VWF: variants seen among roughly 807,000 people sequenced by gnomAD.
VWF encodes von Willebrand factor, also known as Factor VIII related antigen.
Under a neutral mutation model 308.6 loss-of-function variants are expected in VWF, and 176 were observed. The ratio of observed to expected loss-of-function variants is 0.57; its 90% CI spans 0.50 to 0.65. VWF has a LOEUF of 0.65. Ranked by LOEUF, VWF falls within the 30% of genes least tolerant of loss-of-function variation. The pLI, the probability that VWF is intolerant of heterozygous loss-of-function variation, is 0.00. For synonymous variants in VWF, 1,385 were observed against 1,443.4 expected (o/e 0.96, Z 0.92); for missense variants, 3,146 against 3,648.2 (o/e 0.86, Z 3.55).
chr12:6,005,396 A>G (rs1216502489), intron 34 of VWF, among the ~76,000 whole-genome samples: 2 of 152,184 alleles, frequency 1.3e-5, no homozygotes, highest in East Asian at 3.8e-4. Context: ...ACTGCAACCT[A>G]TATCACAGAT....
intron 6 of VWF, among the ~76,000 whole-genome samples, chr12:6,079,545 G>A (rs79044220): frequency 2.0e-5 from 3 of 151,786 alleles, no homozygotes; most frequent in Non-Finnish European, 2.9e-5. Context: ...GGGAGGCAAC[G>A]CTTGCAGTGA....
In VWF at chr12:6,062,924, A is replaced by C. The variant is rs199830675; in HGVS notation, c.1533+30T>G. 1.4e-5 allele frequency: 22 copies of C among 1,587,184 alleles called. No individual in the cohort carries two copies. The East Asian group carries it at 4.5e-4, about 32-fold the overall frequency. ...GGGTACTTTGTAAGGGTCGGGCCGC[A>C]GGGAGCCAGTACCCCGTGAGGGCAC... On this transcript the variant is annotated intron_variant, in intron 13 of 51. Coordinates refer to ENST00000261405, the MANE Select transcript of VWF (RefSeq NM_000552.5).
chr12:6,064,197 G>C (rs747730128), intron 12 of VWF, 49 bp downstream of exon 12: 1 of 1,613,798 alleles, frequency 6.2e-7, no homozygotes, highest in South Asian at 1.1e-5. Flanking sequence ...AGGGTGCTAA[G>C]GGATGGGCTG....
In VWF at chr12:6,060,119, T is replaced by C. The variant is rs994378706; in HGVS notation, c.1534-2075A>G. The stretch of plus-strand genomic sequence containing the variant: ...GGGTTAGGAGAGTGGGGGCGACACT[T>C]AGAGACTCTCTTAGTGTCACTTAGC... On this transcript the variant is annotated intron_variant, in intron 13 of 51. Transcript: ENST00000261405. The surrounding 1 kb of genome is among the most constrained non-coding windows in gnomAD (Gnocchi z 5.1). Among the ~76,000 whole-genome samples, 3 of 151,972 alleles carry C rather than the reference T, an allele frequency of 2.0e-5. No homozygotes were observed. Among genetic ancestry groups the C allele is most frequent in the Admixed American group, 6.5e-5 (1 of 15,280 alleles).
chr12:6,108,367 A>ACACACACAC (rs1555076037), intron 5 of VWF, among the ~76,000 whole-genome samples: 16 of 150,358 alleles, frequency 1.1e-4, no homozygotes, highest in South Asian at 4.2e-4. Flanking sequence ...ACACACACAC[A>ACACACACAC]AAGCAAAATT....
rs1376757047 is a variant in VWF, at chr12:6,058,043, A to C, written c.1535T>G (p.Leu512Arg). 2 of 1,612,982 alleles carry C rather than the reference A, an allele frequency of 1.2e-6. No homozygotes were observed. The highest frequency in any genetic ancestry group is 2.7e-5 in the African/African-American group (2 of 74,952). Residue 512 changes from leucine (L) to arginine (R), a missense_variant and splice_region_variant, in exon 14 of 52, where the codon CTG becomes CGG. By Grantham distance (102) the Leu-to-Arg change is moderately radical. Around this residue, in one of 3 missense-constraint regions of VWF, gnomAD observed 1,304 missense variants for 1,353.0 expected, o/e 0.96. Coordinates refer to ENST00000261405, the MANE Select transcript of VWF (RefSeq NM_000552.5). This position sits in a 1 kb window ranked among gnomAD's most constrained non-coding sequence, Gnocchi z 4.9. ...GGTCTTCCCGGCATAGACGGGGGAC[A>C]GCTGCAGGAGAGACCAGGCCACTCT... ...WDGRGRLLVK[L>R]SPVYAGKTCG...
chr12:6,087,737 C>A (rs941691198), intron 6 of VWF, among the ~76,000 whole-genome samples: 1 of 152,018 alleles, frequency 6.6e-6, no homozygotes, highest in East Asian at 1.9e-4. Flanking sequence ...AGCATTCATG[C>A]GGCAGGTAGG....
chr12:5,991,697 T>C (rs1319757623), intron 38 of VWF, 122 bp downstream of exon 38: 1 of 1,038,758 alleles, frequency 9.6e-7, no homozygotes, highest in Non-Finnish European at 1.5e-6. Flanking sequence ...CTATCCCTAA[T>C]GATCCCCGTA....
rs538523045 is a variant in VWF, at chr12:6,057,214, C to A, written c.1730-142G>T. ...CGCAGAGAAATCTGCAAATGCCACC[C>A]CCACCCCCAAGTCCATTTATCTTAC... is the stretch of plus-strand genomic sequence containing the variant. On this transcript the variant is annotated intron_variant, in intron 14 of 51. Coordinates refer to ENST00000261405, the MANE Select transcript of VWF (RefSeq NM_000552.5). The A allele has an allele frequency of 1.6e-5, 11 of 699,446 alleles. No homozygotes were observed. In the Admixed American group the frequency reaches 3.1e-4, roughly 20 times the overall value. 43.3% of individuals were successfully genotyped at this position (699,446 alleles called of 1,614,324 possible). A position where few individuals can be genotyped will look rare whatever the true frequency, so the allele number is the denominator to read the frequency against.
chr12:6,109,740 T>G (rs1233484346), intron 5 of VWF, among the ~76,000 whole-genome samples: 1 of 152,012 alleles, frequency 6.6e-6, no homozygotes, highest in African/African-American at 2.4e-5. Flanking sequence ...AAGTTCTCCC[T>G]CCCGGGTTCA....
chr12:6,036,668 G>A (rs911538416), intron 18 of VWF, among the ~76,000 whole-genome samples, 177 bp from the exon 19 acceptor site: 1 of 152,222 alleles, frequency 6.6e-6, no homozygotes, highest in Admixed American at 6.5e-5. Flanking sequence ...GCCAAGCCAG[G>A]ACAGGGATCC....
intron 34 of VWF, among the ~76,000 whole-genome samples, chr12:6,003,685 G>T (rs1943896502): frequency 6.6e-6 from 1 of 152,262 alleles, no homozygotes; most frequent in South Asian, 2.1e-4. Flanking sequence ...TGTTGCCAGG[G>T]GCTGGAGGAA....
chr12:6,006,405 T>C (rs1943927311), intron 34 of VWF, among the ~76,000 whole-genome samples: 1 of 152,192 alleles, frequency 6.6e-6, no homozygotes, highest in South Asian at 2.1e-4. Context: ...AGTCCTTCCC[T>C]ATCCATAGTT....
At chr12:5,985,698 G>GAAGCCCA in intron 38 of VWF, 33 bp from the exon 39 acceptor site, 1 of 1,595,500 alleles carries the variant, frequency 6.3e-7, no homozygotes, top group Non-Finnish European at 8.6e-7. Context: ...AAAGGGCACA[G>GAAGCCCA]GACATTCTAG....
chr12:6,017,620 AT>A (rs201286351), intron 28 of VWF, among the ~76,000 whole-genome samples: 1 of 151,284 alleles, frequency 6.6e-6, no homozygotes, highest in African/African-American at 2.4e-5. Context: ...GGGAGCAAGC[AT>A]TTTTTTTTGA....
intron 40 of VWF, among the ~76,000 whole-genome samples, chr12:5,984,215 T>C (rs879682880): frequency 1.1e-4 from 16 of 152,340 alleles, no homozygotes; most frequent in Non-Finnish European, 1.6e-4. Flanking sequence ...GCCCGGCACA[T>C]TGTAGGAGAC....
rs1944113295 is a variant in VWF at position 6,020,009 on chromosome 12, A to G, written c.3675-266T>C. On this transcript the variant is annotated intron_variant, in intron 27 of 51. Transcript: ENST00000261405. The surrounding 1 kb of genome is among the most constrained non-coding windows in gnomAD (Gnocchi z 4.3). ...AAGCTTTAGCCCATCCTAGGATATG[A>G]AAAAATATACTCGTTGTTCTAGGCC... Among the ~76,000 whole-genome samples the G allele has an allele frequency of 6.6e-6, 1 of 152,210 alleles. No homozygotes were observed. The highest frequency in any genetic ancestry group is 1.5e-5 in the Non-Finnish European group (1 of 68,030).
rs755717764 is a variant in VWF at position 5,990,868 on chromosome 12, TAAAAAAAAAAAAAAAA to T, written c.6798+935_6798+950del. Among the ~76,000 whole-genome samples, 31 of 31,442 alleles carry T rather than the reference TAAAAAAAAAAAAAAAA, an allele frequency of 9.9e-4. 1 individual carries two copies. The highest frequency in any genetic ancestry group is 4.3e-3 in the East Asian group (5 of 1,168). 20.6% of individuals were successfully genotyped at this position (31,442 alleles called of 152,430 possible). ...ATACACTCAATAACTCCCATAGAGCTAAAAAAAAAAAAAAAAAAAAAAAAAAAAAAAAAAAAAAAAT... is the reference window on the plus strand; with the variant it reads ...ATACACTCAATAACTCCCATAGAGCTAAAAAAAAAAAAAAAAAAAAAAAAT... On this transcript the variant is annotated intron_variant, in intron 38 of 51. Transcript: ENST00000261405.
rs150576611 is a variant in VWF, at chr12:6,019,699, G to A, written c.3719C>T (p.Pro1240Leu). The change falls in exon 28 of 52, where the codon CCG (proline) becomes CTG (leucine). Residue 1240 changes from proline to leucine, a missense_variant. By Grantham distance (98) the Pro-to-Leu change is moderately conservative. Transcript: ENST00000261405. This position sits in a 1 kb window ranked among gnomAD's most constrained non-coding sequence, Gnocchi z 5.8. ...VNLTCEACQE[P>L]GGLVVPPTDA... ...TGTGGGAGGCACCACCAGGCCTCCC[G>A]GCTCCTGGCAGGCTTCACAGGTGAG... 5.1e-4 allele frequency: 815 copies of A among 1,613,718 alleles called. 1 individual carries two copies. The highest frequency in any genetic ancestry group is 5.7e-4 in the Admixed American group (34 of 60,000).
Sources: gnomAD v4.1 joint callset for allele counts (sites outside exome capture counted in the v4.1 genomes callset) on GRCh38, gnomAD v4.1.1 for gene constraint, gnomAD v4.1.1 regional missense constraint, Gnocchi (gnomAD v3.1) non-coding constraint, MANE v1.5 for transcripts, NCBI Gene and HGNC (gene_info 2026-07-23, HGNC 2026-07-21) for gene names.